Variants in WSCD2 observed in about 807,000 individuals in gnomAD.
WSCD2 encodes sialate:O-sulfotransferase 2.
A neutral mutation model predicts 55.7 loss-of-function variants in WSCD2; 28 were observed. That is an observed-to-expected ratio of 0.50 (90% confidence interval 0.37 to 0.69). The LOEUF is 0.69. WSCD2 is among the 30% of genes least tolerant of loss of function. The pLI, the probability that WSCD2 is intolerant of heterozygous loss-of-function variation, is 0.00. For synonymous variants in WSCD2, 301 were observed against 301.9 expected (o/e 1.00, Z 0.03); for missense variants, 616 against 762.1 (o/e 0.81, Z 2.26).
intron 1 of WSCD2, among the ~76,000 whole-genome samples, chr12:108,171,035 C>T (rs1253307593): frequency 6.6e-6 from 1 of 152,120 alleles, no homozygotes; most frequent in Non-Finnish European, 1.5e-5. Context: ...GAGGCTGGTT[C>T]TTTTGTGCCC....
rs1473002404 is a variant in WSCD2 at position 108,206,289 on chromosome 12, C to T, written c.383C>T (p.Ala128Val). The change falls in exon 3 of 9, where the codon GCC (alanine) becomes GTC (valine). Residue 128 changes from alanine (A) to valine (V), a missense_variant and splice_region_variant. Physicochemically the swap from Ala to Val is moderately conservative, Grantham distance 64 (BLOSUM62 0). Transcript: ENST00000547525. ...CTTTGACGTTTTCCTTTCCCCAAAG[C>T]CAAGTACATCGGCTGCTACCTGGAT... ...RVVREKEEER[A>V]KYIGCYLDDT... The T allele has an allele frequency of 6.2e-7, 1 of 1,614,054 alleles. No individual in the cohort carries two copies. Among genetic ancestry groups the T allele is most frequent in the African/African-American group, 1.3e-5 (1 of 74,934 alleles).
chr12:108,132,306 A>G (rs1488117991), intron 1 of WSCD2, among the ~76,000 whole-genome samples: 2 of 151,932 alleles, frequency 1.3e-5, no homozygotes, highest in African/African-American at 4.8e-5. Flanking sequence ...AAAAACGAAC[A>G]ATTTGCTTTC....
At chr12:108,178,375 T>C (rs77896698) in intron 1 of WSCD2, among the ~76,000 whole-genome samples, 3,245 of 152,314 alleles carry the variant, frequency 0.021, 133 homozygotes, top group African/African-American at 0.075. Context: ...CACTTGTTCA[T>C]TGACCTACCA....
chr12:108,213,732 G>A (rs1174060328), intron 4 of WSCD2, among the ~76,000 whole-genome samples: 3 of 152,210 alleles, frequency 2.0e-5, no homozygotes, highest in Non-Finnish European at 2.9e-5. Context: ...GGCAGGCATG[G>A]TTTTTCCAAG....
chr12:108,151,121 G>A (rs573923279), intron 1 of WSCD2, among the ~76,000 whole-genome samples: 1 of 152,134 alleles, frequency 6.6e-6, no homozygotes, highest in South Asian at 2.1e-4. Flanking sequence ...CTCCCATGAG[G>A]TCCCGCAGAT....
intron 8 of WSCD2, among the ~76,000 whole-genome samples, chr12:108,245,074 C>T (rs996763163): frequency 1.3e-5 from 2 of 152,126 alleles, no homozygotes; most frequent in Non-Finnish European, 2.9e-5. Context: ...GTAACAATTT[C>T]TTTCTCTTTG....
chr12:108,181,671 T>C (rs936984495), intron 1 of WSCD2, among the ~76,000 whole-genome samples: 13 of 152,216 alleles, frequency 8.5e-5, no homozygotes, highest in African/African-American at 3.1e-4. Context: ...TGTGATGGCA[T>C]GATCATAGCT....
At chr12:108,181,428 C>A (rs1010394454) in intron 1 of WSCD2, among the ~76,000 whole-genome samples, 1 of 152,194 alleles carries the variant, frequency 6.6e-6, no homozygotes, top group Non-Finnish European at 1.5e-5. Flanking sequence ...CCAGTTCTAA[C>A]TTCTGTCCCT....
At position 108,244,469 on chromosome 12, in the gene WSCD2, C is replaced by T. The variant is rs146914261; in HGVS notation, c.1346-3522C>T. The T allele has an allele frequency of 9.3e-4, 651 of 702,156 alleles. 4 individuals carry two copies. The highest frequency in any genetic ancestry group is 8.8e-3 in the African/African-American group (502 of 57,362). The allele number at this position is 702,156 out of a possible 1,614,324, so 43.5% of individuals were successfully genotyped here. A position where few individuals can be genotyped will look rare whatever the true frequency, so the allele number is the denominator to read the frequency against. Reference sequence around the variant, plus strand: ...GGAGATACAGGAGGACAAATAGCATCGTGGACAATCATAACACTAACCAGT... The same window carrying T: ...GGAGATACAGGAGGACAAATAGCATTGTGGACAATCATAACACTAACCAGT... On this transcript the variant is annotated intron_variant, in intron 8 of 8. Transcript: ENST00000547525.
chr12:108,247,481 G>A (rs1000008605), intron 8 of WSCD2, among the ~76,000 whole-genome samples: 1 of 152,116 alleles, frequency 6.6e-6, no homozygotes, highest in African/African-American at 2.4e-5. Flanking sequence ...GAATATTCCA[G>A]GGAGAAACAG....
chr12:108,173,185 T>G (rs555722523), intron 1 of WSCD2, among the ~76,000 whole-genome samples: 69 of 152,284 alleles, frequency 4.5e-4, no homozygotes, highest in African/African-American at 1.6e-3. Flanking sequence ...TTGCTGCTGC[T>G]TCACTAGCAA....
chr12:108,129,891 A>C lies in WSCD2; in HGVS notation c.-587A>C, dbSNP rs3751212. The stretch of plus-strand genomic sequence containing the variant: ...GGGACCCCGGGCGCCTGCTGAGCTC[A>C]GCTGGCAGAGTTTGCAAGTGGCGGA... On this transcript the variant is annotated 5_prime_UTR_variant, in exon 1 of 9. Transcript: ENST00000547525. 0.21 allele frequency: 32,638 copies of C among 152,282 alleles called. 3,637 individuals carry two copies. The highest frequency in any genetic ancestry group is 0.23 in the African/African-American group (9,731 of 41,538). The allele number at this position is 152,282 out of a possible 1,614,324, so 9.4% of individuals were successfully genotyped here.
intron 7 of WSCD2, among the ~76,000 whole-genome samples, chr12:108,236,859 C>A (rs1363769849): frequency 6.6e-6 from 1 of 152,170 alleles, no homozygotes; most frequent in Non-Finnish European, 1.5e-5. Flanking sequence ...TTCATCCCCC[C>A]TCTCCCTGCC....
At chr12:108,217,457 G>A (rs1292266703) in intron 4 of WSCD2, among the ~76,000 whole-genome samples, 2 of 152,200 alleles carry the variant, frequency 1.3e-5, no homozygotes, top group Admixed American at 6.5e-5. Flanking sequence ...GAGATTAAAT[G>A]TCTTGGCTAC....
chr12:108,178,126 T>C (rs574672341), intron 1 of WSCD2, among the ~76,000 whole-genome samples: 3 of 152,194 alleles, frequency 2.0e-5, no homozygotes, highest in East Asian at 3.9e-4. Flanking sequence ...AAGCTGGAAG[T>C]CCAAAATTAA....
At chr12:108,240,595 G>A (rs762577009) in intron 8 of WSCD2, 51 bp downstream of exon 8, 1 of 1,467,386 alleles carries the variant, frequency 6.8e-7, no homozygotes, top group Non-Finnish European at 9.2e-7. Context: ...CGGGCTGCAG[G>A]GGGCGGTGGG....
At chr12:108,136,307 G>A (rs1027000848) in intron 1 of WSCD2, among the ~76,000 whole-genome samples, 1 of 42,916 alleles carries the variant, frequency 2.3e-5, no homozygotes, top group Non-Finnish European at 5.5e-5. Context: ...CCAGCTCTGC[G>A]CCAACTGACT....
rs749566077 is a variant in WSCD2 at position 108,227,046 on chromosome 12, C to T, written c.861C>T (p.Thr287=). The change falls in exon 6 of 9, where the codon ACC becomes ACT. Residue 287 remains threonine (T), a synonymous_variant. Coordinates refer to ENST00000547525, the MANE Select transcript of WSCD2 (RefSeq NM_014653.4). ...GTACHCGFPT[T]RFPLHDREDE... Reference sequence around the variant, plus strand: ...CCTGCCACTGTGGGTTTCCCACCACCCGATTCCCGCTCCATGACAGAGAGG... The same window carrying T: ...CCTGCCACTGTGGGTTTCCCACCACTCGATTCCCGCTCCATGACAGAGAGG... 6.2e-7 allele frequency: 1 copy of T among 1,614,224 alleles called. No homozygotes were observed. Among genetic ancestry groups the T allele is most frequent in the South Asian group, 1.1e-5 (1 of 91,086 alleles).
intron 1 of WSCD2, among the ~76,000 whole-genome samples, chr12:108,193,201 T>C (rs1424418030): frequency 2.6e-5 from 4 of 152,234 alleles, no homozygotes; most frequent in African/African-American, 7.2e-5. Flanking sequence ...ATGTCTGGCA[T>C]GTATTAACTG....
Sources: allele counts gnomAD v4.1 joint callset (sites outside exome capture counted in the v4.1 genomes callset), GRCh38; gene constraint gnomAD v4.1.1; transcripts MANE v1.5; gene names NCBI Gene and HGNC (gene_info 2026-07-23, HGNC 2026-07-21).